Variants in HEATR1 observed in about 807,000 individuals in gnomAD.
HEATR1 encodes the protein HEAT repeat-containing protein 1.
Under a neutral mutation model 248.2 loss-of-function variants are expected in HEATR1, and 77 were observed. The ratio of observed to expected loss-of-function variants is 0.31; its 90% confidence interval spans 0.26 to 0.37. The LOEUF is 0.37. HEATR1 is among the 10% of genes least tolerant of loss of function. The probability of loss-of-function intolerance (pLI) is 1.00; values close to 1 mark genes in which losing one functional copy is unlikely to be tolerated. For missense variants in HEATR1, 2,420 were observed against 2,504.9 expected (o/e 0.97, Z 0.72); for synonymous variants, 897 against 923.1 (o/e 0.97, Z 0.51).
chr1:236,603,387 A>G lies in HEATR1; in HGVS notation c.143-11T>C. Reference sequence around the variant, plus strand: ...CCAGGCCAGTACATCCTAAATTTCAAAAAAGGCCAGTTTATTTAACAATTC... The same window carrying G: ...CCAGGCCAGTACATCCTAAATTTCAGAAAAGGCCAGTTTATTTAACAATTC... On this transcript the variant is annotated splice_polypyrimidine_tract_variant and intron_variant, in intron 2 of 44. Transcript: ENST00000366582. The G allele has an allele frequency of 6.2e-7, 1 of 1,608,238 alleles. No homozygotes were observed.
chr1:236,564,976 C>G (rs1359334379), intron 31 of HEATR1, among the ~76,000 whole-genome samples: 1 of 152,194 alleles, frequency 6.6e-6, no homozygotes, highest in Admixed American at 6.5e-5. Flanking sequence ...GTGTAGATTT[C>G]TTTATTCAAT....
intron 3 of HEATR1, among the ~76,000 whole-genome samples, chr1:236,600,244 C>T (rs1419969275): frequency 2.7e-5 from 4 of 149,682 alleles, no homozygotes; most frequent in South Asian, 2.1e-4. Flanking sequence ...CTCCTGCCTC[C>T]GCCTCCCAAG....
rs765861709 is a variant in HEATR1 at position 236,582,993 on chromosome 1, A to T, written c.2425+20T>A. The T allele has an allele frequency of 1.7e-5, 28 of 1,612,032 alleles. No homozygotes were observed. Among genetic ancestry groups the T allele is most frequent in the Non-Finnish European group, 2.2e-5 (26 of 1,178,836 alleles). On this transcript the variant is annotated intron_variant, in intron 18 of 44. Transcript: ENST00000366582. ...TTTTGCAGAGTATCACATTTAAAAGATTCACAGCTTGTATCTTACCTTTAG... is the reference window on the plus strand; with the variant it reads ...TTTTGCAGAGTATCACATTTAAAAGTTTCACAGCTTGTATCTTACCTTTAG...
chr1:236,551,010 A>AG lies in HEATR1; in HGVS notation c.6347-21_6347-20insC. 6.6e-7 allele frequency: 1 copy of AG among 1,514,174 alleles called. No individual in the cohort carries two copies. Among genetic ancestry groups the AG allele is most frequent in the Non-Finnish European group, 9.0e-7 (1 of 1,114,608 alleles). The allele number at this position is 1,514,174 out of a possible 1,614,324, so 93.8% of individuals were successfully genotyped here. A position where few individuals can be genotyped will look rare whatever the true frequency, so the allele number is the denominator to read the frequency against. ...ATTCATCTAAAAAAAAAAAAAAAAAATCAAAATTAAAATCTGAGTCAGTCC... is the reference window on the plus strand; with the variant it reads ...ATTCATCTAAAAAAAAAAAAAAAAAAGTCAAAATTAAAATCTGAGTCAGTCC... On this transcript the variant is annotated intron_variant, in intron 44 of 44. Coordinates refer to ENST00000366582, the MANE Select transcript of HEATR1 (RefSeq NM_018072.6).
intron 14 of HEATR1, among the ~76,000 whole-genome samples, chr1:236,586,799 C>A (rs1303297465): frequency 2.6e-5 from 4 of 151,750 alleles, no homozygotes; most frequent in African/African-American, 9.7e-5. Flanking sequence ...TAAGACATAT[C>A]ACACTAGATG....
chr1:236,565,687 C>T lies in HEATR1; in HGVS notation c.4435+232G>A, dbSNP rs145338537. 3.9e-5 allele frequency among the ~76,000 whole-genome samples: 6 copies of T among 152,308 alleles called. No homozygotes were observed. In the East Asian group the frequency reaches 1.2e-3, roughly 29 times the overall value. ...ACTCATCCTGGATACCAGCAACATTCCACAGCCAAGACGTCAGCGCAGAGC... is the reference window on the plus strand; with the variant it reads ...ACTCATCCTGGATACCAGCAACATTTCACAGCCAAGACGTCAGCGCAGAGC... On this transcript the variant is annotated intron_variant, in intron 31 of 44. Coordinates refer to ENST00000366582, the MANE Select transcript of HEATR1 (RefSeq NM_018072.6).
intron 43 of HEATR1, 146 bp from the exon 44 acceptor site, chr1:236,552,253 A>C (rs1400642843): frequency 1.9e-6 from 1 of 528,692 alleles, no homozygotes; most frequent in African/African-American, 1.9e-5. Context: ...TTAAGCTTTC[A>C]TCTTAGAATA....
chr1:236,581,234 T>G lies in HEATR1; in HGVS notation c.2743A>C (p.Ile915Leu), dbSNP rs752020178. ...KTQCKHQLAS[I>L]SSPVVTSLLI... is the part of the protein sequence containing the mutation. The stretch of plus-strand genomic sequence containing the variant: ...CTACTTTTAATACCTGGAGAAGATA[T>G]GGATGCCAGTTGGTGTTTACACTGT... The change falls in exon 20 of 45, where the codon ATA (isoleucine) becomes CTA (leucine). Residue 915 changes from isoleucine to leucine, a missense_variant. Coordinates refer to ENST00000366582, the MANE Select transcript of HEATR1 (RefSeq NM_018072.6). 3.7e-6 allele frequency: 6 copies of G among 1,612,882 alleles called. No individual in the cohort carries two copies. In the South Asian group the frequency reaches 6.6e-5, roughly 18 times the overall value.
At chr1:236,594,901 T>A (rs1664130870) in intron 8 of HEATR1, among the ~76,000 whole-genome samples, 1 of 152,122 alleles carries the variant, frequency 6.6e-6, no homozygotes, top group Non-Finnish European at 1.5e-5. Flanking sequence ...TGGACTCAGG[T>A]GATCCTCCCA....
chr1:236,557,927 GATTA>G (rs1414068180), intron 36 of HEATR1, among the ~76,000 whole-genome samples: 2 of 152,158 alleles, frequency 1.3e-5, no homozygotes, highest in African/African-American at 2.4e-5. Context: ...TCTGTTTGAA[GATTA>G]ATTATTTTTA....
In HEATR1 at chr1:236,572,494, A is replaced by G. The variant is rs1310925673; in HGVS notation, c.3624T>C (p.Thr1208=). 1.2e-6 allele frequency: 2 copies of G among 1,614,094 alleles called. No homozygotes were observed. Among genetic ancestry groups the G allele is most frequent in the Admixed American group, 3.3e-5 (2 of 60,008 alleles). ...TGTGCTGCAGTAATTCCAGGATGAGAGTTACTCTTTGCCAGTAAGAACCTC... is the reference window on the plus strand; with the variant it reads ...TGTGCTGCAGTAATTCCAGGATGAGGGTTACTCTTTGCCAGTAAGAACCTC... ...EVGGSYWQRV[T]LILELLQHKK... Residue 1208 remains threonine (T), a synonymous_variant, in exon 26 of 45, where the codon ACT becomes ACC. Coordinates refer to ENST00000366582, the MANE Select transcript of HEATR1 (RefSeq NM_018072.6).
chr1:236,551,895 A>G (rs1173159090), intron 44 of HEATR1, 104 bp downstream of exon 44: 1 of 757,836 alleles, frequency 1.3e-6, no homozygotes, highest in Non-Finnish European at 2.3e-6. Flanking sequence ...ATCAACTGCT[A>G]GTCACGTTAT....
intron 28 of HEATR1, among the ~76,000 whole-genome samples, chr1:236,570,084 C>G (rs546857534): frequency 6.6e-6 from 1 of 152,006 alleles, no homozygotes; most frequent in Non-Finnish European, 1.5e-5. Context: ...ATCAGGAGAT[C>G]GAGACCATCC....
At chr1:236,560,334 CAA>C (rs113857916) in intron 33 of HEATR1, among the ~76,000 whole-genome samples, 7 of 149,736 alleles carry the variant, frequency 4.7e-5, no homozygotes, top group East Asian at 2.0e-4. Context: ...TATTAGGAGA[CAA>C]AAAAAAAAGA....
intron 3 of HEATR1, 137 bp from the exon 4 acceptor site, chr1:236,599,761 G>C: frequency 1.3e-6 from 1 of 754,904 alleles, no homozygotes; most frequent in Non-Finnish European, 2.0e-6. Flanking sequence ...AAAATTATAA[G>C]ATACAGAGCA....
At chr1:236,559,646 T>C (rs1663069892) in intron 34 of HEATR1, 68 bp downstream of exon 34, 3 of 1,509,994 alleles carry the variant, frequency 2.0e-6, no homozygotes, top group Non-Finnish European at 2.7e-6. Flanking sequence ...TTAAAAACTT[T>C]ACATAATTTC....
intron 22 of HEATR1, among the ~76,000 whole-genome samples, chr1:236,575,362 G>GT (rs1398230686): frequency 6.6e-6 from 1 of 152,100 alleles, no homozygotes. Context: ...CAGACCACCT[G>GT]TTTTTGTAAA....
rs147173215 is a variant in HEATR1 at position 236,553,722 on chromosome 1, C to T, written c.6096G>A (p.Gly2032=). The T allele has an allele frequency of 1.2e-4, 193 of 1,612,062 alleles. No homozygotes were observed. In the African/African-American group the frequency reaches 1.7e-3, roughly 15 times the overall value. The change falls in exon 43 of 45, where the codon GGG becomes GGA. Residue 2032 remains glycine (G), a synonymous_variant. Transcript: ENST00000366582. ...PLVDQLENRL[G]GEEKFQERVT... ...CCCGTTCCTGGAATTTCTCTTCTCC[C>T]CCAAGCCTGTTTTCCAGCTAGGAAG...
At chr1:236,569,965 C>T (rs1663379361) in intron 28 of HEATR1, among the ~76,000 whole-genome samples, 1 of 152,170 alleles carries the variant, frequency 6.6e-6, no homozygotes, top group Non-Finnish European at 1.5e-5. Flanking sequence ...AATACGGATT[C>T]AAGCTTCAAC....
Sources: allele counts gnomAD v4.1 joint callset (sites outside exome capture counted in the v4.1 genomes callset), GRCh38; gene constraint gnomAD v4.1.1; transcripts MANE v1.5; gene names NCBI Gene and HGNC (gene_info 2026-07-23, HGNC 2026-07-21).